The following LRRFIP1 variants were observed in gnomAD, a reference collection of about 807,000 sequenced individuals.
LRRFIP1 encodes LRR binding FLII interacting protein 1.
In LRRFIP1, 62 loss-of-function variants were observed where a neutral mutation model predicts 104.4. That is an observed-to-expected ratio of 0.59 (90% CI 0.48 to 0.73). The LOEUF (loss-of-function observed/expected upper bound fraction) is 0.73, where lower values mean the gene tolerates loss of function less well. Among genes scored for constraint, LRRFIP1 ranks in the 30% least tolerant of loss-of-function variants. The pLI, the probability that LRRFIP1 is intolerant of heterozygous loss-of-function variation, is 0.00. For synonymous variants in LRRFIP1, 300 were observed against 299.0 expected (o/e 1.00, Z -0.03); for missense variants, 796 against 824.5 (o/e 0.97, Z 0.42).
At chr2:237,755,189 C>T (rs1298677859) in intron 15 of LRRFIP1, among the ~76,000 whole-genome samples, 2 of 152,176 alleles carry the variant, frequency 1.3e-5, no homozygotes, top group Admixed American at 6.5e-5. Context: ...CACAGCAGAG[C>T]CGAGCTGCCA....
chr2:237,770,728 G>C (rs1032056956), intron 20 of LRRFIP1: 1 of 152,328 alleles, frequency 6.6e-6, no homozygotes, highest in African/African-American at 2.4e-5. Flanking sequence ...GGGAAGCAGA[G>C]GTTGCAGTGA....
intron 1 of LRRFIP1, among the ~76,000 whole-genome samples, chr2:237,637,360 C>T (rs1416157884): frequency 1.3e-5 from 2 of 152,004 alleles, no homozygotes. Context: ...CTCAGCTACT[C>T]GGGGGGCTGA....
chr2:237,739,136 C>A, intron 10 of LRRFIP1, 96 bp from the exon 11 acceptor site: 2 of 1,093,346 alleles, frequency 1.8e-6, no homozygotes, highest in Non-Finnish European at 2.7e-6. Context: ...CCACTTACTG[C>A]AGCATGTTTT....
At chr2:237,754,658 C>T (rs1019286627) in intron 15 of LRRFIP1, among the ~76,000 whole-genome samples, 1 of 152,174 alleles carries the variant, frequency 6.6e-6, no homozygotes, top group Admixed American at 6.5e-5. Context: ...CCTGCTTCTT[C>T]GACTGCTATA....
chr2:237,692,601 TGG>T, intron 1 of LRRFIP1: 1 of 1,387,758 alleles, frequency 7.2e-7, no homozygotes, highest in Non-Finnish European at 9.5e-7. Context: ...CCGAGGTCAA[TGG>T]CAGGCGCAGG....
chr2:237,690,566 G>A (rs2092687413), intron 1 of LRRFIP1, among the ~76,000 whole-genome samples: 1 of 151,882 alleles, frequency 6.6e-6, no homozygotes, highest in South Asian at 2.1e-4. Flanking sequence ...GTGAAACCCC[G>A]ACTCTACTAA....
At chr2:237,754,087 A>G (rs973285758) in intron 15 of LRRFIP1, among the ~76,000 whole-genome samples, 7 of 152,160 alleles carry the variant, frequency 4.6e-5, no homozygotes, top group African/African-American at 1.7e-4. Flanking sequence ...CCATGAAAAA[A>G]CATACCTATG....
intron 11 of LRRFIP1, 110 bp downstream of exon 11, chr2:237,739,419 T>C (rs572981615): frequency 2.1e-4 from 203 of 954,696 alleles, no homozygotes; most frequent in Non-Finnish European, 2.8e-4. Flanking sequence ...GCGGTGATAT[T>C]ATTAGGATTA....
At chr2:237,750,713 C>T (rs757786865) in intron 13 of LRRFIP1, among the ~76,000 whole-genome samples, 47 of 152,246 alleles carry the variant, frequency 3.1e-4, no homozygotes, top group Non-Finnish European at 5.1e-4. Context: ...TTGCGCGTGC[C>T]GTTCATTTGT....
chr2:237,700,827 G>A (rs1315150252), intron 1 of LRRFIP1, among the ~76,000 whole-genome samples: 1 of 152,202 alleles, frequency 6.6e-6, no homozygotes, highest in Non-Finnish European at 1.5e-5. Flanking sequence ...AGCCGCCTCT[G>A]GTTCACATGC....
In LRRFIP1 at chr2:237,649,031, T is replaced by TCAC; in HGVS notation, c.96+21294_96+21296dup. ...GCTGGTGTGAGAGGAGGCGTCCTTGTCACCATCCTTTGTTGCCTCCCATCT... is the reference window on the plus strand; with the variant it reads ...GCTGGTGTGAGAGGAGGCGTCCTTGTCACCACCATCCTTTGTTGCCTCCCATCT... On this transcript the variant is annotated intron_variant, in intron 1 of 23. Coordinates refer to ENST00000308482, the MANE Select transcript of LRRFIP1 (RefSeq NM_001137550.2). The surrounding 1 kb of genome is among the most constrained non-coding windows in gnomAD (Gnocchi z 4.1). Among the ~76,000 whole-genome samples, 1 of 152,006 alleles carries TCAC rather than the reference T, an allele frequency of 6.6e-6. No individual in the cohort carries two copies. The highest frequency in any genetic ancestry group is 1.9e-4 in the East Asian group (1 of 5,186).
In LRRFIP1 at chr2:237,714,720, G is replaced by A. The variant is rs561775246; in HGVS notation, c.201+444G>A. On this transcript the variant is annotated intron_variant, in intron 3 of 23. Transcript: ENST00000308482. ...AAAATCTGAGTAAAAGGACAGTGAT[G>A]ATATAAAATGAACCTGCCATTCATC... Among the ~76,000 whole-genome samples, 23 of 152,342 alleles carry A rather than the reference G, an allele frequency of 1.5e-4. 1 individual carries two copies. The South Asian group carries it at 3.9e-3, about 26-fold the overall frequency.
rs1244254628 is a variant in LRRFIP1 at position 237,683,840 on chromosome 2, T to C, written c.97-24704T>C. Among the ~76,000 whole-genome samples, 3 of 152,230 alleles carry C rather than the reference T, an allele frequency of 2.0e-5. No individual in the cohort carries two copies. The East Asian group carries it at 5.8e-4, about 29-fold the overall frequency. ...CAGGGAGCCTGGAAGCCAAGTTGCT[T>C]AGTGGCAGTGCTTTACTTTTAAGCC... On this transcript the variant is annotated intron_variant, in intron 1 of 23. Coordinates refer to ENST00000308482, the MANE Select transcript of LRRFIP1 (RefSeq NM_001137550.2).
At chr2:237,672,922 A>G (rs1475692250) in intron 1 of LRRFIP1, among the ~76,000 whole-genome samples, 1 of 152,216 alleles carries the variant, frequency 6.6e-6, no homozygotes, top group Non-Finnish European at 1.5e-5. Context: ...TTGGCGTCTT[A>G]TATAGATGGT....
At chr2:237,714,316 G>C (rs909530038) in intron 3 of LRRFIP1, 40 bp downstream of exon 3, 1 of 1,556,916 alleles carries the variant, frequency 6.4e-7, no homozygotes, top group Non-Finnish European at 8.8e-7. Flanking sequence ...TGCATGTACT[G>C]TTTTTTCCTT....
At chr2:237,665,776 C>G (rs2089106415) in intron 1 of LRRFIP1, among the ~76,000 whole-genome samples, 1 of 152,216 alleles carries the variant, frequency 6.6e-6, no homozygotes, top group African/African-American at 2.4e-5. Flanking sequence ...CTGCAGCAAA[C>G]ATGGGCATCC....
At chr2:237,740,954 C>CGCCA (rs2095398469) in intron 11 of LRRFIP1, among the ~76,000 whole-genome samples, 1 of 152,196 alleles carries the variant, frequency 6.6e-6, no homozygotes. Context: ...GGCATTGCAA[C>CGCCA]GCCAGCGCCT....
chr2:237,674,720 G>A (rs75248158), intron 1 of LRRFIP1, among the ~76,000 whole-genome samples: 255 of 152,328 alleles, frequency 1.7e-3, no homozygotes, highest in African/African-American at 5.9e-3. Flanking sequence ...TTATGAATGC[G>A]GGCAAAAACC....
chr2:237,724,368 T>C (rs1189260772), intron 7 of LRRFIP1, among the ~76,000 whole-genome samples: 2 of 152,248 alleles, frequency 1.3e-5, no homozygotes, highest in East Asian at 3.8e-4. Context: ...AGTAAATTCT[T>C]GTTTTAAAAA....
Sources: gnomAD v4.1 joint callset for allele counts (sites outside exome capture counted in the v4.1 genomes callset) on GRCh38, gnomAD v4.1.1 for gene constraint, Gnocchi (gnomAD v3.1) non-coding constraint, MANE v1.5 for transcripts, NCBI Gene and HGNC (gene_info 2026-07-23, HGNC 2026-07-21) for gene names.